Variants in C12orf76 observed in about 807,000 individuals in gnomAD.
The protein encoded by C12orf76 is chromosome 12 open reading frame 76.
In C12orf76, 6 loss-of-function variants were observed where a neutral mutation model predicts 6.8. The ratio of observed to expected loss-of-function variants is 0.88; its 90% confidence interval spans 0.48 to 1.73. The LOEUF is 1.73. C12orf76 is among the 40% of genes most tolerant of loss of function. The probability of loss-of-function intolerance (pLI) is 0.01; values close to 1 mark genes in which losing one functional copy is unlikely to be tolerated. For missense variants in C12orf76, 99 were observed against 98.2 expected, an observed-to-expected ratio of 1.01 and a Z score of -0.03; for synonymous variants, 56 against 43.7, an observed-to-expected ratio of 1.28 and a Z score of -1.11.
chr12:110,066,735 G>T (rs1209924007), intron 1 of C12orf76, among the ~76,000 whole-genome samples: 1 of 152,046 alleles, frequency 6.6e-6, no homozygotes, highest in Non-Finnish European at 1.5e-5. Context: ...CGCTTGAGTT[G>T]GATTTGCTCC....
intron 2 of C12orf76, chr12:110,059,200 TTG>T (rs761736407): frequency 3.3e-5 from 51 of 1,532,440 alleles, no homozygotes; most frequent in Non-Finnish European, 4.5e-5. Context: ...CAATTAATTT[TTG>T]TGTGTTGATC....
At chr12:110,068,247 A>AAGAAG (rs1237375571), upstream of C12orf76, among the ~76,000 whole-genome samples, 5 of 63,820 alleles carry the variant, frequency 7.8e-5, no homozygotes, top group East Asian at 1.2e-3. Flanking sequence ...GAAGAAGAAG[A>AAGAAG]AAGAAGAAGA....
chr12:110,042,458 C>T lies in C12orf76; in HGVS notation c.135G>A (p.Val45=), dbSNP rs1892339864. 1 of 1,607,670 alleles carries T rather than the reference C, an allele frequency of 6.2e-7. No individual in the cohort carries two copies. Among genetic ancestry groups the T allele is most frequent in the Non-Finnish European group, 8.5e-7 (1 of 1,174,084 alleles). Residue 45 remains valine (V), a splice_region_variant and synonymous_variant, in exon 2 of 2, where the codon GTG becomes GTA. Transcript: ENST00000615315. ...GGATGCTGAAAATGGTTCCCATCAA[C>T]ACTGCAAAGGGAAAACAGGTTACTT... is the stretch of plus-strand genomic sequence containing the variant. ...PYAVLRGQNL[V]LMGTIFSILL...
exon 2 of C12orf76, chr12:110,065,898 G>T: frequency 6.2e-7 from 1 of 1,613,970 alleles, no homozygotes. Flanking sequence ...TTCCTCTTTT[G>T]TGCTTCCAGA....
At chr12:110,053,005 A>G (rs906939388), upstream of C12orf76, among the ~76,000 whole-genome samples, 2 of 150,798 alleles carry the variant, frequency 1.3e-5, no homozygotes, top group Non-Finnish European at 3.0e-5. Flanking sequence ...GATCAAGACC[A>G]TCCTGGCCAA....
chr12:110,067,675 C>A, exon 1 of C12orf76: 11 of 606,660 alleles, frequency 1.8e-5, no homozygotes, highest in Non-Finnish European at 2.3e-5. Context: ...TGCACCCGGC[C>A]GGCTCAGTCA....
At chr12:110,053,964 G>A (rs1892627715), upstream of C12orf76, among the ~76,000 whole-genome samples, 1 of 152,038 alleles carries the variant, frequency 6.6e-6, no homozygotes, top group South Asian at 2.1e-4. Flanking sequence ...CGAGCCTGTA[G>A]AGATGGAGGC....
upstream of C12orf76, chr12:110,051,218 G>C (rs1273316773): frequency 1.3e-5 from 10 of 771,318 alleles, no homozygotes; most frequent in Non-Finnish European, 1.4e-5. Context: ...CAGTGGGGTG[G>C]GAGGCAGGCT....
intron 1 of C12orf76, chr12:110,044,023 AAAAAAAATAAAG>A: frequency 6.9e-6 from 1 of 145,478 alleles, no homozygotes; most frequent in East Asian, 1.9e-4. Context: ...ATAACAAAAA[AAAAAAAATAAAG>A]AAAAAAAAAA....
At chr12:110,072,487 G>GT (rs201812575), upstream of C12orf76, among the ~76,000 whole-genome samples, 68 of 150,638 alleles carry the variant, frequency 4.5e-4, no homozygotes, top group African/African-American at 9.5e-4. Flanking sequence ...AGGAGTGTGG[G>GT]TTTTTTTTGT....
chr12:110,072,261 T>TA (rs1210182713), upstream of C12orf76, among the ~76,000 whole-genome samples: 14,646 of 124,304 alleles, frequency 0.12, 890 homozygotes, highest in African/African-American at 0.19. Flanking sequence ...ACCCCAAATC[T>TA]AAAAAAAAAA....
chr12:110,051,315 A>G (rs1182325371), upstream of C12orf76: 9 of 701,028 alleles, frequency 1.3e-5, no homozygotes, highest in East Asian at 2.4e-4. Context: ...AATGGGAAGC[A>G]TAATCATACC....
chr12:110,057,223 C>T (rs1892685245), exon 4 of C12orf76: 2 of 1,613,980 alleles, frequency 1.2e-6, no homozygotes, highest in Admixed American at 1.7e-5. Flanking sequence ...CCCATGCCAG[C>T]ATGGTTAGAT....
At chr12:110,057,188 C>T (rs769161625) in intron 4 of C12orf76, 1 of 1,606,920 alleles carries the variant, frequency 6.2e-7, no homozygotes, top group South Asian at 1.1e-5. Flanking sequence ...CGCAGACTTA[C>T]CTTGGCATTG....
chr12:110,066,125 A>G (rs558613694), intron 1 of C12orf76: 1 of 1,376,322 alleles, frequency 7.3e-7, no homozygotes, highest in Admixed American at 3.0e-5. Context: ...GGTAGCTCAC[A>G]ATTTGGGAGG....
At chr12:110,071,744 C>A (rs1202616989), upstream of C12orf76, among the ~76,000 whole-genome samples, 2 of 152,080 alleles carry the variant, frequency 1.3e-5, no homozygotes, top group Non-Finnish European at 1.5e-5. Flanking sequence ...AAATGCAAAT[C>A]AGAACCACAA....
chr12:110,046,261 A>G (rs2137217231), intron 1 of C12orf76, among the ~76,000 whole-genome samples: 1 of 152,102 alleles, frequency 6.6e-6, no homozygotes, highest in African/African-American at 2.4e-5. Flanking sequence ...CCCCATCTCT[A>G]CTAAAAATAC....
At chr12:110,067,636 A>C in exon 1 of C12orf76, 210 of 941,236 alleles carry the variant, frequency 2.2e-4, no homozygotes, top group East Asian at 3.5e-4. Flanking sequence ...TCGGCCTCTC[A>C]AAGTATTGGG....
rs770613100 is a variant in C12orf76, at chr12:110,060,960, G to A, written n.381-1797C>T. On this transcript the variant is annotated intron_variant and non_coding_transcript_variant, in intron 2 of 4. Coordinates refer to the C12orf76 transcript ENST00000309050. ...TGAGACAGGAGAATCACTTGAGCCC[G>A]GGAGGCGGAGGATGCAGTGAGCTAA... Among the ~76,000 whole-genome samples, 33 of 151,922 alleles carry A rather than the reference G, an allele frequency of 2.2e-4. 1 individual carries two copies. The highest frequency in any genetic ancestry group is 4.3e-4 in the Non-Finnish European group (29 of 67,984).
Sources: allele counts gnomAD v4.1 joint callset (sites outside exome capture counted in the v4.1 genomes callset), GRCh38; gene constraint gnomAD v4.1.1; transcripts MANE v1.5; gene names NCBI Gene and HGNC (gene_info 2026-07-23, HGNC 2026-07-21).